CDH13: variants seen among roughly 807,000 people sequenced by gnomAD.
CDH13 encodes the protein cadherin-13.
CDH13 carries 24 observed loss-of-function variants against 63.8 expected under a neutral mutation model. The observed-to-expected ratio is 0.38, with a 90% CI of 0.27 to 0.53. The LOEUF is 0.53. CDH13 is among the 20% of genes least tolerant of loss of function. CDH13 has a pLI of 0.85. For missense variants in CDH13, 1,049 were observed against 903.1 expected, an observed-to-expected ratio of 1.16 and a Z score of -2.07; for synonymous variants, 503 against 355.3, an observed-to-expected ratio of 1.42 and a Z score of -4.67.
intron 6 of CDH13, among the ~76,000 whole-genome samples, chr16:83,351,504 C>T (rs985619840): frequency 1.3e-5 from 2 of 152,068 alleles, no homozygotes; most frequent in Admixed American, 1.3e-4. Flanking sequence ...ATGTGCTTTT[C>T]CGTAAATCTC....
intron 7 of CDH13, among the ~76,000 whole-genome samples, chr16:83,597,540 G>A (rs1363669285): frequency 2.6e-5 from 4 of 152,166 alleles, no homozygotes; most frequent in African/African-American, 9.7e-5. Context: ...TCACAGGTGG[G>A]GTTGGGCAAG....
At chr16:83,793,818 A>G (rs1041181077) in intron 13 of CDH13, among the ~76,000 whole-genome samples, 1 of 152,080 alleles carries the variant, frequency 6.6e-6, no homozygotes, top group African/African-American at 2.4e-5. Context: ...TCTCTAAAAA[A>G]AAAAAAAAAA....
Position 83,750,295 on chromosome 16 carries a change from CA to C in CDH13, c.1681+2054del, listed in dbSNP as rs199631832. Among the ~76,000 whole-genome samples the C allele has an allele frequency of 9.5e-3, 1,421 of 150,096 alleles. 9 individuals carry two copies. The highest frequency in any genetic ancestry group is 0.015 in the Non-Finnish European group (995 of 67,450). ...GGGGTGACAGAGTGAGACTCCATCT[CA>C]AAAAAAAAGAAAGAAATAGCTCACG... On this transcript the variant is annotated intron_variant, in intron 11 of 13. Coordinates refer to ENST00000567109, the MANE Select transcript of CDH13 (RefSeq NM_001257.5).
intron 5 of CDH13, among the ~76,000 whole-genome samples, chr16:83,288,723 A>C (rs1372269860): frequency 6.6e-6 from 1 of 152,164 alleles, no homozygotes; most frequent in African/African-American, 2.4e-5. Flanking sequence ...CACAAAAATT[A>C]TTTTGCCTTT....
At chr16:82,910,477 A>T (rs1233225769) in intron 2 of CDH13, among the ~76,000 whole-genome samples, 1 of 152,052 alleles carries the variant, frequency 6.6e-6, no homozygotes, top group African/African-American at 2.4e-5. Flanking sequence ...TTATTTATTC[A>T]TGTTTTATTA....
intron 6 of CDH13, among the ~76,000 whole-genome samples, chr16:83,467,539 A>G (rs1011776566): frequency 6.6e-6 from 1 of 152,194 alleles, no homozygotes; most frequent in African/African-American, 2.4e-5. Context: ...GCTGACCCCA[A>G]GAACAGAACT....
At chr16:83,072,454 G>C (rs922578583) in intron 3 of CDH13, among the ~76,000 whole-genome samples, 4 of 152,046 alleles carry the variant, frequency 2.6e-5, no homozygotes, top group African/African-American at 7.2e-5. Flanking sequence ...ACTCACCATT[G>C]GGTACCTCTT....
chr16:82,654,166 G>A (rs1419272530), intron 1 of CDH13, among the ~76,000 whole-genome samples: 2 of 152,140 alleles, frequency 1.3e-5, no homozygotes, highest in Non-Finnish European at 2.9e-5. Flanking sequence ...GATAGAGAAA[G>A]GATGAATTCT....
At chr16:83,275,692 T>A (rs2088965447) in intron 5 of CDH13, among the ~76,000 whole-genome samples, 1 of 152,094 alleles carries the variant, frequency 6.6e-6, no homozygotes, top group South Asian at 2.1e-4. Flanking sequence ...CTTTGTCACT[T>A]GTGACTACAG....
At chr16:83,436,796 A>G (rs1337513245) in intron 6 of CDH13, among the ~76,000 whole-genome samples, 1 of 152,206 alleles carries the variant, frequency 6.6e-6, no homozygotes, top group African/African-American at 2.4e-5. Flanking sequence ...TCTGCTGTGA[A>G]TGTATGATTT....
intron 2 of CDH13, among the ~76,000 whole-genome samples, chr16:82,995,730 G>T (rs144406393): frequency 0.011 from 1,611 of 152,278 alleles, 25 homozygotes; most frequent in African/African-American, 0.034. Flanking sequence ...ACTTCTGGAA[G>T]CAGGAAGCCA....
chr16:83,540,055 T>C (rs1173413565), intron 7 of CDH13, among the ~76,000 whole-genome samples: 1 of 149,504 alleles, frequency 6.7e-6, no homozygotes, highest in Non-Finnish European at 1.5e-5. Context: ...CTTTATGTTA[T>C]TGTCAATAAA....
intron 5 of CDH13, among the ~76,000 whole-genome samples, chr16:83,286,273 T>C (rs1190974883): frequency 6.6e-6 from 1 of 152,178 alleles, no homozygotes; most frequent in Non-Finnish European, 1.5e-5. Context: ...GCATCCATAT[T>C]ACAGCTGACA....
chr16:83,127,991 G>A (rs901614559), intron 4 of CDH13, among the ~76,000 whole-genome samples: 37 of 152,164 alleles, frequency 2.4e-4, no homozygotes, highest in African/African-American at 8.7e-4. Context: ...CAAGATGCCA[G>A]ATGCCAAGGG....
chr16:82,788,987 A>C (rs912020286), intron 1 of CDH13, among the ~76,000 whole-genome samples: 1 of 152,162 alleles, frequency 6.6e-6, no homozygotes, highest in Non-Finnish European at 1.5e-5. Context: ...GCCGTTAGTC[A>C]ATTGTATGTT....
At chr16:82,738,252 A>T (rs2033773577) in intron 1 of CDH13, among the ~76,000 whole-genome samples, 1 of 152,242 alleles carries the variant, frequency 6.6e-6, no homozygotes, top group South Asian at 2.1e-4. Context: ...CCATTGTAAA[A>T]ATAAACGTAA....
At chr16:83,245,621 A>G (rs996030874) in intron 5 of CDH13, among the ~76,000 whole-genome samples, 8 of 152,254 alleles carry the variant, frequency 5.3e-5, no homozygotes, top group Admixed American at 1.3e-4. Flanking sequence ...TGTAAATTCA[A>G]ATTGTTTCTC....
intron 8 of CDH13, among the ~76,000 whole-genome samples, chr16:83,612,327 A>G (rs909317960): frequency 2.0e-5 from 3 of 151,606 alleles, no homozygotes; most frequent in Non-Finnish European, 4.4e-5. Flanking sequence ...TAATTATCTT[A>G]CCTTTCTTTT....
chr16:82,713,597 T>C (rs776122651), intron 1 of CDH13, among the ~76,000 whole-genome samples: 1 of 152,078 alleles, frequency 6.6e-6, no homozygotes, highest in African/African-American at 2.4e-5. Context: ...GATGATTGCA[T>C]TCATGATTGT....
Sources: allele counts gnomAD v4.1 joint callset (sites outside exome capture counted in the v4.1 genomes callset), GRCh38; gene constraint gnomAD v4.1.1; transcripts MANE v1.5; gene names NCBI Gene and HGNC (gene_info 2026-07-23, HGNC 2026-07-21).